SAMD5: variants seen among roughly 807,000 people sequenced by gnomAD.
The protein encoded by SAMD5 is sterile alpha motif domain containing 5.
A neutral mutation model predicts 11.3 loss-of-function variants in SAMD5; 13 were observed. The ratio of observed to expected loss-of-function variants is 1.15; its 90% CI spans 0.75 to 1.83. SAMD5 has a LOEUF of 1.83. SAMD5 is among the 40% of genes most tolerant of loss of function. SAMD5 has a pLI of 0.00. For missense variants in SAMD5, 255 were observed against 239.1 expected (o/e 1.07, Z -0.44); for synonymous variants, 129 against 111.3 (o/e 1.16, Z -1.00).
the SAMD5 span, among the ~76,000 whole-genome samples, chr6:147,743,482 A>G: frequency 0.082 from 12,484 of 151,984 alleles, 607 homozygotes; most frequent in Non-Finnish European, 0.1. Context: ...CAGCCTGGGC[A>G]ACAGAGCGAG....
At chr6:147,693,337 A>T (rs1226225334) in intron 1 of SAMD5, among the ~76,000 whole-genome samples, 1 of 152,212 alleles carries the variant, frequency 6.6e-6, no homozygotes, top group Admixed American at 6.5e-5. Flanking sequence ...CACCTCTGAC[A>T]GCAGGGCCTG....
chr6:147,899,189 A>AAAAAAAAAAAAAAAAAACAAAG, the SAMD5 span, among the ~76,000 whole-genome samples: 1 of 123,458 alleles, frequency 8.1e-6, no homozygotes, highest in African/African-American at 3.8e-5. Context: ...AAAAAAAAAA[A>AAAAAAAAAAAAAAAAAACAAAG]AAAAGATAAC....
Position 147,581,320 on chromosome 6 carries a change from T to C in SAMD5, c.162+71933T>C, listed in dbSNP as rs571181326. Among the ~76,000 whole-genome samples the C allele has an allele frequency of 4.6e-5, 7 of 152,306 alleles. No homozygotes were observed. In the East Asian group the frequency reaches 9.7e-4, roughly 21 times the overall value. ...AGTTTGAGGTCTTTATGTTGAGATA[T>C]GTCCTTGGAAGTTACCTATATGTGT... On this transcript the variant is annotated intron_variant, in intron 1 of 1. Transcript: ENST00000566741.
At chr6:147,650,121 A>G (rs1481608440) in intron 1 of SAMD5, among the ~76,000 whole-genome samples, 1 of 152,198 alleles carries the variant, frequency 6.6e-6, no homozygotes, top group East Asian at 1.9e-4. Flanking sequence ...ACCCTTTACC[A>G]TACACGAAGT....
intron 1 of SAMD5, among the ~76,000 whole-genome samples, chr6:147,561,988 CCT>C (rs1465882819): frequency 6.6e-6 from 1 of 152,164 alleles, no homozygotes; most frequent in Non-Finnish European, 1.5e-5. Flanking sequence ...CTGCCCCCCA[CCT>C]ACTCCCTCAG....
chr6:147,550,383 TC>T (rs1788751292), intron 1 of SAMD5, among the ~76,000 whole-genome samples: 1 of 152,174 alleles, frequency 6.6e-6, no homozygotes, highest in African/African-American at 2.4e-5. Flanking sequence ...TACCATTTGA[TC>T]CAGCAATCCT....
At chr6:147,546,910 C>G (rs190237968) in intron 1 of SAMD5, among the ~76,000 whole-genome samples, 9 of 152,260 alleles carry the variant, frequency 5.9e-5, no homozygotes, top group Admixed American at 3.9e-4. Context: ...GCTTGGTACA[C>G]TGTAGTTTAT....
chr6:147,866,221 T>C, the SAMD5 span, among the ~76,000 whole-genome samples: 1 of 152,178 alleles, frequency 6.6e-6, no homozygotes. Context: ...TTGATCAATT[T>C]ATAACTTGTC....
intron 1 of SAMD5, among the ~76,000 whole-genome samples, chr6:147,526,844 G>A (rs1472229890): frequency 2.0e-5 from 3 of 148,602 alleles, no homozygotes; most frequent in African/African-American, 7.4e-5. Context: ...GTTGGGCTGA[G>A]CTGTTGAGGA....
intron 1 of SAMD5, among the ~76,000 whole-genome samples, chr6:147,622,990 C>A (rs1306508228): frequency 6.6e-6 from 1 of 152,122 alleles, no homozygotes; most frequent in African/African-American, 2.4e-5. Context: ...GGGGAAACAG[C>A]CCTCATGATT....
At chr6:147,951,329 C>T in the SAMD5 span, among the ~76,000 whole-genome samples, 2 of 151,934 alleles carry the variant, frequency 1.3e-5, no homozygotes, top group African/African-American at 4.8e-5. Context: ...CTACAGGAGC[C>T]CACCAACACG....
chr6:147,849,158 A>ATTTTTTTTTTTTTTTTTTT, the SAMD5 span, among the ~76,000 whole-genome samples: 1 of 140,720 alleles, frequency 7.1e-6, no homozygotes, highest in Non-Finnish European at 1.5e-5. Flanking sequence ...CTATATGTGA[A>ATTTTTTTTTTTTTTTTTTT]TTTTTTTTTT....
chr6:147,671,981 C>A (rs1790802903), intron 1 of SAMD5, among the ~76,000 whole-genome samples: 1 of 136,628 alleles, frequency 7.3e-6, no homozygotes, highest in East Asian at 2.3e-4. Context: ...ATAGAAAATT[C>A]TCTTGGGGAT....
chr6:147,532,014 T>C (rs933047761), intron 1 of SAMD5, among the ~76,000 whole-genome samples: 1 of 152,190 alleles, frequency 6.6e-6, no homozygotes, highest in African/African-American at 2.4e-5. Flanking sequence ...ACAAAAGAGA[T>C]AGTAAAACTA....
chr6:147,736,216 T>C (rs1791803849), intron 1 of SAMD5, among the ~76,000 whole-genome samples: 1 of 152,220 alleles, frequency 6.6e-6, no homozygotes, highest in African/African-American at 2.4e-5. Context: ...TCAGTGTTGT[T>C]GCACAGACTA....
the SAMD5 span, among the ~76,000 whole-genome samples, chr6:147,838,541 C>T: frequency 6.9e-6 from 1 of 145,684 alleles, no homozygotes; most frequent in Non-Finnish European, 1.5e-5. Context: ...GCCCCCCCCC[C>T]GTAGTTATTG....
intron 1 of SAMD5, among the ~76,000 whole-genome samples, chr6:147,532,143 T>A (rs2128441201): frequency 6.6e-6 from 1 of 152,300 alleles, no homozygotes; most frequent in Non-Finnish European, 1.5e-5. Context: ...AAATAATTAA[T>A]TTTTATTTCA....
the SAMD5 span, among the ~76,000 whole-genome samples, chr6:147,797,005 A>G: frequency 1.4e-4 from 18 of 131,158 alleles, 1 homozygote; most frequent in East Asian, 2.5e-3. Context: ...CAATCATGTC[A>G]TCTGCAAACA....
intron 1 of SAMD5, among the ~76,000 whole-genome samples, chr6:147,667,301 T>G (rs983951425): frequency 1.3e-5 from 2 of 152,202 alleles, no homozygotes; most frequent in Non-Finnish European, 2.9e-5. Flanking sequence ...TTTTTTTTAA[T>G]GGTGAGGTGT....
Sources: gnomAD v4.1 joint callset for allele counts (sites outside exome capture counted in the v4.1 genomes callset) on GRCh38, gnomAD v4.1.1 for gene constraint, MANE v1.5 for transcripts, NCBI Gene and HGNC (gene_info 2026-07-23, HGNC 2026-07-21) for gene names.